CNTNAP3: variants seen among roughly 807,000 people sequenced by gnomAD.
The protein encoded by CNTNAP3 is contactin-associated protein-like 3.
In CNTNAP3, 36 loss-of-function variants were observed where a neutral mutation model predicts 92.1. The ratio of observed to expected loss-of-function variants is 0.39; its 90% CI spans 0.30 to 0.52. CNTNAP3 has a LOEUF of 0.52. Among genes scored for constraint, CNTNAP3 ranks in the 20% least tolerant of loss-of-function variants. The probability of loss-of-function intolerance (pLI) is 0.76; values close to 1 mark genes in which losing one functional copy is unlikely to be tolerated. For missense variants in CNTNAP3, 534 were observed against 1,069.6 expected, an observed-to-expected ratio of 0.50 and a Z score of 6.98; for synonymous variants, 232 against 422.3, an observed-to-expected ratio of 0.55 and a Z score of 5.53.
At chr9:39,083,618 C>A (rs1489894459) in intron 21 of CNTNAP3, among the ~76,000 whole-genome samples, 1 of 152,106 alleles carries the variant, frequency 6.6e-6, no homozygotes. Context: ...GAGATTGCGC[C>A]ACTGCACTCC....
chr9:39,094,223 T>C (rs995459446), intron 18 of CNTNAP3, among the ~76,000 whole-genome samples: 1 of 151,566 alleles, frequency 6.6e-6, no homozygotes, highest in Non-Finnish European at 1.5e-5. Flanking sequence ...TTTTTGTTGT[T>C]AAGTTGTGGA....
chr9:39,130,792 C>G (rs1279844277), intron 13 of CNTNAP3, among the ~76,000 whole-genome samples: 3 of 151,540 alleles, frequency 2.0e-5, no homozygotes, highest in Non-Finnish European at 2.9e-5. Flanking sequence ...CATGAGCCAC[C>G]GTGCCCGGCC....
intron 13 of CNTNAP3, among the ~76,000 whole-genome samples, chr9:39,126,956 A>AT (rs199862119): frequency 0.052 from 7,811 of 151,264 alleles, 224 homozygotes; most frequent in Non-Finnish European, 0.061. Context: ...CAGAATATAC[A>AT]TTTTTTTTTC....
chr9:39,083,235 G>C (rs1358755056), intron 21 of CNTNAP3, among the ~76,000 whole-genome samples: 1 of 151,856 alleles, frequency 6.6e-6, no homozygotes, highest in Non-Finnish European at 1.5e-5. Flanking sequence ...TACCTCCTAA[G>C]GTATATAAGC....
At chr9:39,136,141 A>G (rs1194285862) in intron 12 of CNTNAP3, among the ~76,000 whole-genome samples, 2 of 147,128 alleles carry the variant, frequency 1.4e-5, no homozygotes, top group African/African-American at 5.0e-5. Flanking sequence ...AATAATAATA[A>G]TAATAATAAT....
chr9:39,162,900 C>T (rs943668613), intron 9 of CNTNAP3, among the ~76,000 whole-genome samples: 2 of 134,734 alleles, frequency 1.5e-5, no homozygotes, highest in African/African-American at 5.9e-5. Flanking sequence ...ATAATCTGTA[C>T]CCCAAGCCCC....
chr9:39,141,640 A>G (rs1003638487), intron 11 of CNTNAP3, among the ~76,000 whole-genome samples: 2 of 152,168 alleles, frequency 1.3e-5, no homozygotes, highest in Admixed American at 6.5e-5. Flanking sequence ...GACATTGCTA[A>G]TCTTTATTTT....
At position 39,073,041 on chromosome 9, in the gene CNTNAP3, G is replaced by A. The variant is rs1342495133; in HGVS notation, c.*849C>T. 4 of 152,716 alleles carry A rather than the reference G, an allele frequency of 2.6e-5. No homozygotes were observed. Among genetic ancestry groups the A allele is most frequent in the African/African-American group, 4.8e-5 (2 of 41,480 alleles). 9.5% of individuals were successfully genotyped at this position (152,716 alleles called of 1,614,324 possible). Reference sequence around the variant, plus strand: ...AACATAATCACAAGTTACAAAAACTGTAATTACAAATTACAAAGAAAAACA... The same window carrying A: ...AACATAATCACAAGTTACAAAAACTATAATTACAAATTACAAAGAAAAACA... On this transcript the variant is annotated 3_prime_UTR_variant, in exon 24 of 24. Coordinates refer to ENST00000297668, the MANE Select transcript of CNTNAP3 (RefSeq NM_033655.5).
rs1489590444 is a variant in CNTNAP3, at chr9:39,072,759, T to C, written c.*1131A>G. On this transcript the variant is annotated 3_prime_UTR_variant, in exon 24 of 24. Coordinates refer to ENST00000297668, the MANE Select transcript of CNTNAP3 (RefSeq NM_033655.5). ...GCAGTTCAAAATTTAGAAAAGGAAT[T>C]AGTGATCTTCAGTTAAGCTATTTTT... 1.3e-5 allele frequency: 2 copies of C among 152,192 alleles called. No homozygotes were observed. Among genetic ancestry groups the C allele is most frequent in the South Asian group, 2.1e-4 (1 of 4,832 alleles). The allele number at this position is 152,192 out of a possible 1,614,324, so 9.4% of individuals were successfully genotyped here. A position where few individuals can be genotyped will look rare whatever the true frequency, so the allele number is the denominator to read the frequency against.
rs370393821 is a variant in CNTNAP3, at chr9:39,152,037, G to C, written c.1478-2060C>G. Among the ~76,000 whole-genome samples, 148 of 143,360 alleles carry C rather than the reference G, an allele frequency of 1.0e-3. 13 individuals carry two copies. In the South Asian group the frequency reaches 0.019, roughly 19 times the overall value. 94.0% of individuals were successfully genotyped at this position (143,360 alleles called of 152,430 possible). On this transcript the variant is annotated intron_variant, in intron 9 of 23. Coordinates refer to ENST00000297668, the MANE Select transcript of CNTNAP3 (RefSeq NM_033655.5). ...TGTTCACTAAAATGAAAAAAATGAA[G>C]TATAGAATTTGTACTTATGTGTTTT...
chr9:39,106,622 T>C (rs1410932111), intron 15 of CNTNAP3: 3 of 152,194 alleles, frequency 2.0e-5, no homozygotes, highest in Admixed American at 6.5e-5. Context: ...AAGTAGGATA[T>C]AAACTGAAGG....
chr9:39,126,016 T>C (rs1291157418), intron 13 of CNTNAP3, among the ~76,000 whole-genome samples: 7 of 152,198 alleles, frequency 4.6e-5, no homozygotes, highest in Admixed American at 4.6e-4. Context: ...CAATTAGCGT[T>C]GTAGAATATT....
At position 39,069,026 on chromosome 9, in the gene CNTNAP3, A is replaced by ATATG. The variant is rs1423164438; in HGVS notation, c.*4863_*4864insCATA. On this transcript the variant is annotated 3_prime_UTR_variant, in exon 24 of 24. Coordinates refer to ENST00000297668, the MANE Select transcript of CNTNAP3 (RefSeq NM_033655.5). ...TAAGTATAAACACACATACACATAT[A>ATATG]TATATGTATGTATATAACACACATG... 6.6e-6 allele frequency among the ~76,000 whole-genome samples: 1 copy of ATATG among 152,016 alleles called. No homozygotes were observed. The highest frequency in any genetic ancestry group is 1.5e-5 in the Non-Finnish European group (1 of 68,032).
intron 15 of CNTNAP3, among the ~76,000 whole-genome samples, chr9:39,108,488 A>C (rs1240249095): frequency 6.6e-6 from 1 of 152,222 alleles, no homozygotes; most frequent in Admixed American, 6.5e-5. Flanking sequence ...GAGGTAGAGC[A>C]GGAAATAAAA....
At chr9:39,155,575 G>C (rs1376345386) in intron 9 of CNTNAP3, 1 of 150,740 alleles carries the variant, frequency 6.6e-6, no homozygotes, top group Non-Finnish European at 1.5e-5. Context: ...CTCCATGGCT[G>C]TTAGATACTG....
At position 39,102,710 on chromosome 9, in the gene CNTNAP3, T is replaced by G. The variant is rs1826492888; in HGVS notation, c.2542A>C (p.Thr848Pro). 1 of 1,261,368 alleles carries G rather than the reference T, an allele frequency of 7.9e-7. No individual in the cohort carries two copies. 78.1% of individuals were successfully genotyped at this position (1,261,368 alleles called of 1,614,324 possible). The part of the protein sequence containing the change: ...DFIRIELRAP[T>P]EVTFSFDVGN... ...ACATCGAAGGAAAAGGTCACTTCTG[T>G]GGGAGCTAGAAATATTAGATATGAA... Residue 848 changes from threonine (T) to proline (P), a missense_variant, in exon 17 of 24, where the codon ACA (threonine) becomes CCA (proline). Coordinates refer to ENST00000297668, the MANE Select transcript of CNTNAP3 (RefSeq NM_033655.5).
chr9:39,133,013 G>A lies in CNTNAP3; in HGVS notation c.1999C>T (p.Arg667Trp), dbSNP rs1226862397. 5.8e-6 allele frequency: 9 copies of A among 1,539,318 alleles called. No homozygotes were observed. Among genetic ancestry groups the A allele is most frequent in the Non-Finnish European group, 7.8e-6 (9 of 1,150,160 alleles). The change falls in exon 13 of 24, where the codon CGG (arginine) becomes TGG (tryptophan). Residue 667 changes from arginine to tryptophan, a missense_variant. Physicochemically the swap from Arg to Trp is moderately radical, Grantham distance 101. Transcript: ENST00000297668. The stretch of plus-strand genomic sequence containing the variant: ...CGCTCCGCCAGGTTCACCGCGGACC[G>A]CAGCTGCCCCGCGCCCGCTGCGTAC... Reference protein sequence around the residue: ...FAYAAGAGQLRSAVNLAERCE... With the variant: ...FAYAAGAGQLWSAVNLAERCE...
intron 13 of CNTNAP3, among the ~76,000 whole-genome samples, chr9:39,120,747 A>G (rs1346072444): frequency 6.6e-6 from 1 of 152,196 alleles, no homozygotes; most frequent in African/African-American, 2.4e-5. Context: ...GACATTCCCT[A>G]AAGAATGGCT....
At chr9:39,100,240 T>A (rs1224276112) in intron 17 of CNTNAP3, 90 bp from the exon 18 acceptor site, 8 of 1,500,056 alleles carry the variant, frequency 5.3e-6, no homozygotes, top group Non-Finnish European at 7.2e-6. Context: ...TTATGGAGAG[T>A]GGCAATAATC....
Sources: gnomAD v4.1 joint callset for allele counts (sites outside exome capture counted in the v4.1 genomes callset) on GRCh38, gnomAD v4.1.1 for gene constraint, MANE v1.5 for transcripts, NCBI Gene and HGNC (gene_info 2026-07-23, HGNC 2026-07-21) for gene names.